Variants in ASIC2 observed in about 807,000 individuals in gnomAD.
ASIC2 encodes acid-sensing ion channel 2.
A neutral mutation model predicts 57.3 loss-of-function variants in ASIC2; 25 were observed. The observed-to-expected ratio is 0.44, with a 90% confidence interval of 0.32 to 0.61. The LOEUF is 0.61. ASIC2 is among the 20% of genes least tolerant of loss of function. The probability of loss-of-function intolerance (pLI) is 0.06; values close to 1 mark genes in which losing one functional copy is unlikely to be tolerated. For synonymous variants in ASIC2, 319 were observed against 307.5 expected, an observed-to-expected ratio of 1.04 and a Z score of -0.39; for missense variants, 641 against 738.1, an observed-to-expected ratio of 0.87 and a Z score of 1.52.
intron 1 of ASIC2, among the ~76,000 whole-genome samples, chr17:33,488,475 C>T (rs374634842): frequency 1.6e-4 from 25 of 152,198 alleles, no homozygotes; most frequent in African/African-American, 6.0e-4. Flanking sequence ...ATTTTTAAGT[C>T]CAGAAATGTG....
intron 1 of ASIC2, among the ~76,000 whole-genome samples, chr17:33,659,745 G>T (rs1455518248): frequency 6.6e-6 from 1 of 151,810 alleles, no homozygotes; most frequent in African/African-American, 2.4e-5. Context: ...GGTGGCAGGC[G>T]CCTGTAGTCC....
intron 1 of ASIC2, among the ~76,000 whole-genome samples, chr17:33,269,499 G>A (rs1015082696): frequency 6.6e-6 from 1 of 152,156 alleles, no homozygotes; most frequent in African/African-American, 2.4e-5. Context: ...AAACACACCA[G>A]CCTCCTGGCC....
chr17:33,312,589 C>T (rs557306352), intron 1 of ASIC2, among the ~76,000 whole-genome samples: 1 of 152,248 alleles, frequency 6.6e-6, no homozygotes, highest in African/African-American at 2.4e-5. Context: ...AAGGGCTGCA[C>T]CTACTTAGCT....
chr17:33,783,663 G>T (rs1208895563), intron 1 of ASIC2, among the ~76,000 whole-genome samples: 1 of 152,112 alleles, frequency 6.6e-6, no homozygotes, highest in Non-Finnish European at 1.5e-5. Flanking sequence ...CTATATTTTG[G>T]ATTTCCATGT....
At chr17:33,329,376 G>A (rs1035872837) in intron 1 of ASIC2, among the ~76,000 whole-genome samples, 110 of 152,302 alleles carry the variant, frequency 7.2e-4, no homozygotes, top group African/African-American at 2.5e-3. Flanking sequence ...GGAAGTTCAT[G>A]ACCTATAATT....
intron 1 of ASIC2, among the ~76,000 whole-genome samples, chr17:33,636,768 T>G (rs16968684): frequency 0.39 from 59,687 of 151,794 alleles, 12,849 homozygotes; most frequent in African/African-American, 0.57. Context: ...GCTCAGACAC[T>G]TGCATGGCAA....
intron 1 of ASIC2, among the ~76,000 whole-genome samples, chr17:34,036,227 A>T (rs919158963): frequency 7.2e-5 from 11 of 152,114 alleles, no homozygotes; most frequent in African/African-American, 2.7e-4. Flanking sequence ...TTGTAGGGAC[A>T]TCAATGAAAC....
At chr17:34,135,603 T>C (rs555439127) in intron 1 of ASIC2, among the ~76,000 whole-genome samples, 2 of 152,330 alleles carry the variant, frequency 1.3e-5, no homozygotes, top group South Asian at 4.1e-4. Flanking sequence ...TTGAGAATCA[T>C]AGACTTAAAT....
intron 1 of ASIC2, among the ~76,000 whole-genome samples, chr17:34,009,502 T>C (rs1906642072): frequency 6.6e-6 from 1 of 152,248 alleles, no homozygotes; most frequent in Non-Finnish European, 1.5e-5. Context: ...GAAATGATAT[T>C]ATTTTGGATA....
intron 3 of ASIC2, among the ~76,000 whole-genome samples, chr17:33,087,108 C>T (rs1474038270): frequency 6.6e-6 from 1 of 152,184 alleles, no homozygotes; most frequent in African/African-American, 2.4e-5. Flanking sequence ...TTTGACAGTA[C>T]TGAGGAGCTC....
intron 1 of ASIC2, among the ~76,000 whole-genome samples, chr17:33,190,112 T>C (rs979602297): frequency 5.3e-5 from 8 of 152,252 alleles, no homozygotes; most frequent in African/African-American, 1.4e-4. Context: ...TTTTCACAGA[T>C]AAAATAATCA....
intron 1 of ASIC2, among the ~76,000 whole-genome samples, chr17:33,544,605 T>G (rs1176135604): frequency 3.9e-5 from 6 of 152,198 alleles, no homozygotes; most frequent in African/African-American, 1.4e-4. Context: ...AATGCTACAT[T>G]TCGTTGACTC....
intron 1 of ASIC2, among the ~76,000 whole-genome samples, chr17:33,604,571 AC>A (rs1905181720): frequency 1.3e-5 from 2 of 152,118 alleles, no homozygotes; most frequent in Non-Finnish European, 2.9e-5. Context: ...GAATCCAGGA[AC>A]TTTTGGTCCA....
intron 1 of ASIC2, among the ~76,000 whole-genome samples, chr17:33,545,407 C>T (rs879331228): frequency 1.3e-5 from 2 of 152,064 alleles, no homozygotes; most frequent in Non-Finnish European, 2.9e-5. Context: ...ATCTTAGGGA[C>T]ATTAAAATTG....
At chr17:33,958,869 C>T (rs777334600) in intron 1 of ASIC2, among the ~76,000 whole-genome samples, 5 of 152,132 alleles carry the variant, frequency 3.3e-5, no homozygotes, top group Admixed American at 1.3e-4. Flanking sequence ...ATTTTCCAAA[C>T]TTTTATACTC....
chr17:33,293,357 GCCCGGCT>G (rs1283299078), upstream of ASIC2, among the ~76,000 whole-genome samples: 1 of 152,136 alleles, frequency 6.6e-6, no homozygotes, highest in African/African-American at 2.4e-5. Context: ...GTGCTGACGC[GCCCGGCT>G]CCTCCTCGCT....
chr17:33,809,085 G>A (rs186794965), intron 1 of ASIC2, among the ~76,000 whole-genome samples: 2 of 152,304 alleles, frequency 1.3e-5, no homozygotes, highest in African/African-American at 2.4e-5. Flanking sequence ...GGCAGCCAAG[G>A]TCTTGAACTT....
At chr17:33,771,904 C>T (rs1383011879) in intron 1 of ASIC2, among the ~76,000 whole-genome samples, 2 of 152,172 alleles carry the variant, frequency 1.3e-5, no homozygotes, top group African/African-American at 4.8e-5. Flanking sequence ...GCATACTATA[C>T]TATATACTAA....
chr17:33,942,226 TCA>T (rs1420656035), intron 1 of ASIC2, among the ~76,000 whole-genome samples: 1 of 152,104 alleles, frequency 6.6e-6, no homozygotes, highest in Non-Finnish European at 1.5e-5. Flanking sequence ...AATCCAAGTG[TCA>T]CAGTCACAGC....
Sources: allele counts gnomAD v4.1 joint callset (sites outside exome capture counted in the v4.1 genomes callset), GRCh38; gene constraint gnomAD v4.1.1; transcripts MANE v1.5; gene names NCBI Gene and HGNC (gene_info 2026-07-23, HGNC 2026-07-21).